The following LMTK2 variants were observed in gnomAD, a reference collection of about 807,000 sequenced individuals.
LMTK2 encodes the protein lemur tail kinase 2, also known as serine/threonine-protein kinase LMTK2.
LMTK2 carries 37 observed loss-of-function variants against 127.5 expected under a neutral mutation model. That is an observed-to-expected ratio of 0.29 (90% CI 0.22 to 0.38). LMTK2 has a LOEUF of 0.38. Among genes scored for constraint, LMTK2 ranks in the 10% least tolerant of loss-of-function variants. The pLI is 1.00. For missense variants in LMTK2, 1,694 were observed against 1,920.3 expected (o/e 0.88, Z 2.20); for synonymous variants, 819 against 810.1 (o/e 1.01, Z -0.19).
chr7:98,129,512 G>A (rs1796492236), intron 1 of LMTK2, among the ~76,000 whole-genome samples: 1 of 152,052 alleles, frequency 6.6e-6, no homozygotes, highest in South Asian at 2.1e-4. Flanking sequence ...CTACAGGTGT[G>A]TGTCACCGTA....
At chr7:98,142,353 A>G (rs1248650984) in intron 3 of LMTK2, among the ~76,000 whole-genome samples, 1 of 152,202 alleles carries the variant, frequency 6.6e-6, no homozygotes, top group Admixed American at 6.5e-5. Context: ...GGAACGTGAC[A>G]TAGTTGGTGC....
chr7:98,116,484 G>A (rs1170323641), intron 1 of LMTK2, among the ~76,000 whole-genome samples: 3 of 151,934 alleles, frequency 2.0e-5, no homozygotes, highest in African/African-American at 7.2e-5. Context: ...ATGAGCTGAA[G>A]CCTCTCATTC....
rs181096312 is a variant in LMTK2 at position 98,163,214 on chromosome 7, T to A, written c.657+3789T>A. Among the ~76,000 whole-genome samples the A allele has an allele frequency of 4.3e-4, 66 of 152,276 alleles. 2 individuals are homozygous for A. The highest frequency in any genetic ancestry group is 2.9e-5 in the Non-Finnish European group (2 of 68,014). On this transcript the variant is annotated intron_variant, in intron 6 of 13. Transcript: ENST00000297293. The stretch of plus-strand genomic sequence containing the variant: ...TCTGGAGGGGGCTGGTGGTAATGGT[T>A]GTGCAGCAAGAAGAATGTACTTAAC...
intron 7 of LMTK2, among the ~76,000 whole-genome samples, chr7:98,179,750 C>T (rs1043219147): frequency 2.0e-5 from 3 of 152,044 alleles, no homozygotes; most frequent in African/African-American, 7.2e-5. Flanking sequence ...AAGGTTTTTC[C>T]CAGGCAGTTC....
At chr7:98,185,528 C>G (rs1797420815) in intron 8 of LMTK2, among the ~76,000 whole-genome samples, 2 of 151,978 alleles carry the variant, frequency 1.3e-5, no homozygotes, top group Admixed American at 1.3e-4. Context: ...GTTCAGTAAC[C>G]TGGGGATCTA....
In LMTK2 at chr7:98,171,594, A is replaced by G; in HGVS notation, c.711A>G (p.Ser237=). The change falls in exon 7 of 14, where the codon TCA becomes TCG. Residue 237 remains serine (S), a synonymous_variant. Transcript: ENST00000297293. The surrounding 1 kb of genome is among the most constrained non-coding windows in gnomAD (Gnocchi z 5.1). The stretch of plus-strand genomic sequence containing the variant: ...AGCAGGAGCACATGCGGGGGGACTC[A>G]CAGACCATGCTGCTGCAGAGGATGG... The part of the protein sequence containing the change: ...RSEQEHMRGD[S]QTMLLQRMAC... The G allele has an allele frequency of 6.2e-7, 1 of 1,613,318 alleles. No homozygotes were observed. Among genetic ancestry groups the G allele is most frequent in the Non-Finnish European group, 8.5e-7 (1 of 1,179,858 alleles).
At chr7:98,128,886 A>G (rs1021752545) in intron 1 of LMTK2, among the ~76,000 whole-genome samples, 5 of 152,278 alleles carry the variant, frequency 3.3e-5, no homozygotes, top group Admixed American at 6.5e-5. Flanking sequence ...TCTTAATAAA[A>G]CACCTTAGTT....
At chr7:98,146,823 A>G (rs963159173) in intron 3 of LMTK2, among the ~76,000 whole-genome samples, 2 of 152,240 alleles carry the variant, frequency 1.3e-5, no homozygotes, top group South Asian at 2.1e-4. Context: ...ATTTACCTAC[A>G]TAGTTACCTT....
chr7:98,198,177 G>A lies in LMTK2; in HGVS notation c.4107+3605G>A, dbSNP rs1006987459. On this transcript the variant is annotated intron_variant, in intron 11 of 13. Coordinates refer to ENST00000297293, the MANE Select transcript of LMTK2 (RefSeq NM_014916.4). ...CTTTTTCTAGAAAAGCTTAGAATTC[G>A]AGACCTTACTTCTTTTCTCCTTTTT... 6.0e-5 allele frequency among the ~76,000 whole-genome samples: 9 copies of A among 148,832 alleles called. 1 individual carries two copies. Among genetic ancestry groups the A allele is most frequent in the East Asian group, 2.0e-4 (1 of 5,122 alleles).
Position 98,107,294 on chromosome 7 carries a change from CGGCGGGGACGG to C in LMTK2, c.103+18_103+28del. On this transcript the variant is annotated intron_variant, in intron 1 of 13. Transcript: ENST00000297293. ...AAACAGGTGCAGGTGAGCGGGCCCG[CGGCGGGGACGG>C]GGCTGCGGGGTCTTCGGCGTGGAGG... 8.5e-7 allele frequency: 1 copy of C among 1,169,968 alleles called. No homozygotes were observed. The highest frequency in any genetic ancestry group is 1.1e-6 in the Non-Finnish European group (1 of 943,976). The allele number at this position is 1,169,968 out of a possible 1,614,324, so 72.5% of individuals were successfully genotyped here.
intron 6 of LMTK2, among the ~76,000 whole-genome samples, chr7:98,166,129 G>T (rs1465115178): frequency 6.6e-6 from 1 of 152,194 alleles, no homozygotes; most frequent in African/African-American, 2.4e-5. Context: ...AGGCCCTTCC[G>T]GTCTTCCCTG....
intron 11 of LMTK2, 139 bp from the exon 12 acceptor site, chr7:98,203,435 C>T (rs1220689813): frequency 5.3e-6 from 6 of 1,141,096 alleles, no homozygotes; most frequent in Non-Finnish European, 6.0e-6. Context: ...TCCGTCCTCC[C>T]AGGCCTGGAG....
chr7:98,152,128 A>G (rs1796867543), intron 4 of LMTK2, among the ~76,000 whole-genome samples: 1 of 152,162 alleles, frequency 6.6e-6, no homozygotes, highest in Non-Finnish European at 1.5e-5. Flanking sequence ...CACTTAAGCC[A>G]CTTTAGAACT....
At chr7:98,131,885 C>T (rs1288330828) in intron 1 of LMTK2, among the ~76,000 whole-genome samples, 2 of 152,168 alleles carry the variant, frequency 1.3e-5, no homozygotes, top group African/African-American at 2.4e-5. Flanking sequence ...AGTTGTGACA[C>T]CAGCAGTGAA....
At chr7:98,112,103 GA>G (rs1796208865) in intron 1 of LMTK2, among the ~76,000 whole-genome samples, 2 of 152,218 alleles carry the variant, frequency 1.3e-5, no homozygotes, top group Admixed American at 1.3e-4. Context: ...AGGCATCCCT[GA>G]TTAACCCAGG....
At position 98,171,753 on chromosome 7, in the gene LMTK2, T is replaced by C; in HGVS notation, c.791+79T>C. 6.9e-7 allele frequency: 1 copy of C among 1,439,646 alleles called. No homozygotes were observed. Among genetic ancestry groups the C allele is most frequent in the South Asian group, 1.4e-5 (1 of 70,436 alleles). 89.2% of individuals were successfully genotyped at this position (1,439,646 alleles called of 1,614,324 possible). A position where few individuals can be genotyped will look rare whatever the true frequency, so the allele number is the denominator to read the frequency against. On this transcript the variant is annotated intron_variant, in intron 7 of 13. Coordinates refer to ENST00000297293, the MANE Select transcript of LMTK2 (RefSeq NM_014916.4). This position sits in a 1 kb window ranked among gnomAD's most constrained non-coding sequence, Gnocchi z 5.1. ...AGAGAGGCTGCCGAGTTTGTGAAACTTAAGGAGGACAGGAGGTGGCAGAAT... is the reference window on the plus strand; with the variant it reads ...AGAGAGGCTGCCGAGTTTGTGAAACCTAAGGAGGACAGGAGGTGGCAGAAT...
At position 98,171,801 on chromosome 7, in the gene LMTK2, AG is replaced by A; in HGVS notation, c.791+128del. On this transcript the variant is annotated intron_variant, in intron 7 of 13. Transcript: ENST00000297293. This position sits in a 1 kb window ranked among gnomAD's most constrained non-coding sequence, Gnocchi z 5.1. ...AATGAACCCAGCTCATGTAGGTAGA[AG>A]CGATCTCGTTCTTACCCATGTCCGG... 9.3e-7 allele frequency: 1 copy of A among 1,069,972 alleles called. No individual in the cohort carries two copies. The highest frequency in any genetic ancestry group is 1.3e-6 in the Non-Finnish European group (1 of 775,106). 66.3% of individuals were successfully genotyped at this position (1,069,972 alleles called of 1,614,324 possible). A position where few individuals can be genotyped will look rare whatever the true frequency, so the allele number is the denominator to read the frequency against.
chr7:98,148,508 T>TAAC (rs1318710972), intron 3 of LMTK2, among the ~76,000 whole-genome samples: 1 of 141,068 alleles, frequency 7.1e-6, no homozygotes, highest in East Asian at 2.5e-4. Context: ...AAAAAAAAAA[T>TAAC]AATAATAATA....
intron 1 of LMTK2, among the ~76,000 whole-genome samples, chr7:98,110,815 C>T (rs921131912): frequency 5.3e-5 from 8 of 152,330 alleles, no homozygotes; most frequent in African/African-American, 1.7e-4. Context: ...AGATAAAGGA[C>T]CTCACGGAAG....
Sources: allele counts gnomAD v4.1 joint callset (sites outside exome capture counted in the v4.1 genomes callset), GRCh38; gene constraint gnomAD v4.1.1; non-coding constraint Gnocchi (gnomAD v3.1); transcripts MANE v1.5; gene names NCBI Gene and HGNC (gene_info 2026-07-23, HGNC 2026-07-21).